RAPH1: variants seen among roughly 807,000 people sequenced by gnomAD.
The protein encoded by RAPH1 is ras-associated and pleckstrin homology domains-containing protein 1.
RAPH1 carries 18 observed loss-of-function variants against 88.1 expected under a neutral mutation model. The observed-to-expected ratio is 0.20, with a 90% CI of 0.14 to 0.30. RAPH1 has a LOEUF of 0.30. RAPH1 is among the 10% of genes least tolerant of loss of function. The pLI, the probability that RAPH1 is intolerant of heterozygous loss-of-function variation, is 1.00. For missense variants in RAPH1, 1,448 were observed against 1,543.2 expected, an observed-to-expected ratio of 0.94 and a Z score of 1.03; for synonymous variants, 587 against 559.0, an observed-to-expected ratio of 1.05 and a Z score of -0.71.
At chr2:203,522,367 G>C (rs574710544) in intron 1 of RAPH1, among the ~76,000 whole-genome samples, 1 of 152,306 alleles carries the variant, frequency 6.6e-6, no homozygotes, top group East Asian at 1.9e-4. Flanking sequence ...CAGTGTTTAT[G>C]TAATACATTG....
At chr2:203,503,340 G>GT (rs1688829859) in intron 1 of RAPH1, among the ~76,000 whole-genome samples, 1 of 152,148 alleles carries the variant, frequency 6.6e-6, no homozygotes, top group African/African-American at 2.4e-5. Context: ...GAAGAAAGAG[G>GT]TTTAACTGGA....
At chr2:203,465,403 T>C (rs1242357618) in intron 4 of RAPH1, among the ~76,000 whole-genome samples, 4 of 152,106 alleles carry the variant, frequency 2.6e-5, no homozygotes, top group African/African-American at 7.2e-5. Flanking sequence ...AGATATTTAG[T>C]GTACAATTCT....
chr2:203,492,732 T>C (rs1034261627), intron 2 of RAPH1, among the ~76,000 whole-genome samples: 12 of 152,104 alleles, frequency 7.9e-5, no homozygotes, highest in East Asian at 1.9e-4. Flanking sequence ...AAGCTTCAAA[T>C]TTTAAAAGAA....
chr2:203,450,992 G>C (rs1470459628), intron 10 of RAPH1, among the ~76,000 whole-genome samples: 1 of 151,648 alleles, frequency 6.6e-6, no homozygotes, highest in East Asian at 1.9e-4. Flanking sequence ...TGGGAATACA[G>C]ATAATAACCT....
intron 1 of RAPH1, among the ~76,000 whole-genome samples, chr2:203,503,843 T>C (rs1000417067): frequency 6.6e-6 from 1 of 152,174 alleles, no homozygotes; most frequent in East Asian, 1.9e-4. Context: ...ATGGGAGAAC[T>C]TGGCCAAAAC....
intron 1 of RAPH1, among the ~76,000 whole-genome samples, chr2:203,499,443 C>T (rs541177082): frequency 1.7e-4 from 26 of 152,004 alleles, no homozygotes; most frequent in Admixed American, 6.6e-4. Flanking sequence ...AAAAACTGGC[C>T]GGGTGCAGTG....
intron 8 of RAPH1, among the ~76,000 whole-genome samples, chr2:203,456,858 G>C (rs2098519993): frequency 6.6e-6 from 1 of 152,016 alleles, no homozygotes; most frequent in Non-Finnish European, 1.5e-5. Context: ...ATTATTTAAG[G>C]ATAAGGCTGG....
rs1663129676 is a variant in RAPH1, at chr2:203,436,065, C to T, written c.*3372G>A. 1 of 152,054 alleles carries T rather than the reference C, an allele frequency of 6.6e-6. No individual in the cohort carries two copies. Among genetic ancestry groups the T allele is most frequent in the Admixed American group, 6.6e-5 (1 of 15,256 alleles). The allele number at this position is 152,054 out of a possible 1,614,324, so 9.4% of individuals were successfully genotyped here. A position where few individuals can be genotyped will look rare whatever the true frequency, so the allele number is the denominator to read the frequency against. ...CACTTGGTTGGAATTATTATGATCC[C>T]CCAATTTAAATTTTCTTGATAAACT... On this transcript the variant is annotated 3_prime_UTR_variant, in exon 14 of 14. Transcript: ENST00000319170.
Position 203,439,793 on chromosome 2 carries a change from G to C in RAPH1, c.3397C>G (p.Leu1133Val). ...TGCTCAGAAATCTCAGCTTGAGTGA[G>C]GCGGGTGCTATCATTCCGTTTGGGT... is the stretch of plus-strand genomic sequence containing the variant. ...TRPKRNDSTR[L>V]TQAEISEQPT... is the part of the protein sequence containing the mutation. The change falls in exon 14 of 14, where the codon CTC becomes GTC. Residue 1133 changes from leucine (L) to valine (V), a missense_variant. This residue lies in a region of RAPH1 where 935 missense variants were observed against 890.1 expected (regional missense o/e 1.05). Coordinates refer to ENST00000319170, the MANE Select transcript of RAPH1 (RefSeq NM_213589.3). 6.2e-7 allele frequency: 1 copy of C among 1,614,122 alleles called. No individual in the cohort carries two copies. The highest frequency in any genetic ancestry group is 8.5e-7 in the Non-Finnish European group (1 of 1,180,034).
chr2:203,470,014 C>G (rs896855132), intron 4 of RAPH1, among the ~76,000 whole-genome samples: 1 of 152,012 alleles, frequency 6.6e-6, no homozygotes, highest in African/African-American at 2.4e-5. Flanking sequence ...TAGGCATTTA[C>G]AAAAGTTTAA....
At chr2:203,500,923 C>T (rs1688713681) in intron 1 of RAPH1, among the ~76,000 whole-genome samples, 1 of 152,130 alleles carries the variant, frequency 6.6e-6, no homozygotes, top group African/African-American at 2.4e-5. Flanking sequence ...AATTTTAGTT[C>T]TTTATTTCCA....
At chr2:203,506,838 C>A (rs966670082) in intron 1 of RAPH1, among the ~76,000 whole-genome samples, 1,661 of 8,480 alleles carry the variant, frequency 0.2, 104 homozygotes, top group South Asian at 0.39. Flanking sequence ...ATATCTATAT[C>A]TATATATCTA....
Position 203,439,566 on chromosome 2 carries a change from T to G in RAPH1, c.3624A>C (p.Glu1208Asp). ...CAGCCTTCTGTTGATCAGACAGCAGTTCAGGGGGTGGTGGAGGCAATGCCA... is the reference window on the plus strand; with the variant it reads ...CAGCCTTCTGTTGATCAGACAGCAGGTCAGGGGGTGGTGGAGGCAATGCCA... Reference protein sequence around the residue: ...DDMALPPPPPELLSDQQKAGY... With the variant: ...DDMALPPPPPDLLSDQQKAGY... Residue 1208 changes from glutamate (E) to aspartate (D), a missense_variant, in exon 14 of 14, where the codon GAA (glutamate) becomes GAC (aspartate). Physicochemically the swap from Glu to Asp is conservative, Grantham distance 45. Transcript: ENST00000319170. 9 of 1,614,072 alleles carry G rather than the reference T, an allele frequency of 5.6e-6. No homozygotes were observed. The highest frequency in any genetic ancestry group is 7.6e-6 in the Non-Finnish European group (9 of 1,180,016).
chr2:203,466,442 T>C (rs1431410094), intron 4 of RAPH1, among the ~76,000 whole-genome samples: 3 of 152,298 alleles, frequency 2.0e-5, no homozygotes, highest in African/African-American at 7.2e-5. Context: ...TGTTGTATAA[T>C]ACAGGAAAAA....
In RAPH1 at chr2:203,534,789, C is replaced by A. The variant is rs542723112; in HGVS notation, c.-1+322G>T. 1.1e-4 allele frequency among the ~76,000 whole-genome samples: 16 copies of A among 152,158 alleles called. No individual in the cohort carries two copies. In the South Asian group the frequency reaches 3.3e-3, roughly 32 times the overall value. ...CCTGCGGTCCCGGGCCACCAGCCCC[C>A]GGTGCTGGGTCGGAGAAGCCTAACC... On this transcript the variant is annotated intron_variant, in intron 1 of 13. Transcript: ENST00000319170.
chr2:203,472,220 C>T (rs1263109327), intron 4 of RAPH1, among the ~76,000 whole-genome samples: 2 of 151,916 alleles, frequency 1.3e-5, no homozygotes, highest in Non-Finnish European at 2.9e-5. Flanking sequence ...GCAACCTCTG[C>T]CTCCCAGCTT....
chr2:203,439,356 G>T lies in RAPH1; in HGVS notation c.*81C>A. ...GAATAACATCATACCAGGAGGCTCT[G>T]AACACCTGAATTCACAGATGATCAG... On this transcript the variant is annotated 3_prime_UTR_variant, in exon 14 of 14. Coordinates refer to ENST00000319170, the MANE Select transcript of RAPH1 (RefSeq NM_213589.3). 7.2e-7 allele frequency: 1 copy of T among 1,383,514 alleles called. No homozygotes were observed. The highest frequency in any genetic ancestry group is 1.3e-5 in the South Asian group (1 of 77,722). The allele number at this position is 1,383,514 out of a possible 1,614,324, so 85.7% of individuals were successfully genotyped here.
intron 1 of RAPH1, among the ~76,000 whole-genome samples, chr2:203,532,024 C>A (rs959332942): frequency 6.6e-6 from 1 of 151,980 alleles, no homozygotes; most frequent in African/African-American, 2.4e-5. Context: ...ATACATACAA[C>A]GGAATATTAA....
chr2:203,532,238 G>A (rs1690421222), intron 1 of RAPH1, among the ~76,000 whole-genome samples: 1 of 152,170 alleles, frequency 6.6e-6, no homozygotes, highest in African/African-American at 2.4e-5. Context: ...GTCACCCAGT[G>A]TGCATGATCA....
Sources: allele counts gnomAD v4.1 joint callset (sites outside exome capture counted in the v4.1 genomes callset), GRCh38; gene constraint gnomAD v4.1.1; regional missense constraint gnomAD v4.1.1; transcripts MANE v1.5; gene names NCBI Gene and HGNC (gene_info 2026-07-23, HGNC 2026-07-21).